Variants in NOX3 observed in about 807,000 individuals in gnomAD.
NOX3 encodes NADPH oxidase 3.
A neutral mutation model predicts 76.7 loss-of-function variants in NOX3; 74 were observed. The observed-to-expected ratio is 0.96, with a 90% CI of 0.80 to 1.17. The LOEUF (loss-of-function observed/expected upper bound fraction) is 1.17, where lower values mean the gene tolerates loss of function less well. Ranked by LOEUF, NOX3 falls within the 50% of genes most tolerant of loss-of-function variation. The pLI, the probability that NOX3 is intolerant of heterozygous loss-of-function variation, is 0.00. For missense variants in NOX3, 695 were observed against 703.3 expected (o/e 0.99, Z 0.13); for synonymous variants, 263 against 261.1 (o/e 1.01, Z -0.07).
intron 7 of NOX3, among the ~76,000 whole-genome samples, chr6:155,432,682 C>T (rs1776850339): frequency 6.6e-6 from 1 of 152,160 alleles, no homozygotes; most frequent in African/African-American, 2.4e-5. Flanking sequence ...GGGCTCTTGG[C>T]CTCATAAAAG....
Position 155,453,436 on chromosome 6 carries a change from T to C in NOX3, c.308A>G (p.Lys103Arg), listed in dbSNP as rs757662971. ...AACAGCTATCCCATAGGCGACCAGT[T>C]TGTGAAATCTGAGGTTTTTGTCTAA... ...RQLDKNLRFH[K>R]LVAYGIAVNA... Residue 103 changes from lysine to arginine, a missense_variant, in exon 4 of 14, where the codon AAA becomes AGA. Physicochemically the swap from Lys to Arg is conservative, Grantham distance 26 (BLOSUM62 2). Transcript: ENST00000159060. The C allele has an allele frequency of 1.2e-6, 2 of 1,613,896 alleles. No homozygotes were observed. Among genetic ancestry groups the C allele is most frequent in the Non-Finnish European group, 1.7e-6 (2 of 1,179,782 alleles).
At chr6:155,435,208 C>A (rs1355553206) in intron 7 of NOX3, among the ~76,000 whole-genome samples, 1 of 152,008 alleles carries the variant, frequency 6.6e-6, no homozygotes, top group Non-Finnish European at 1.5e-5. Context: ...TGAGCAAGGC[C>A]CCCTCTTAAT....
chr6:155,405,955 T>C (rs1776452149), intron 12 of NOX3, among the ~76,000 whole-genome samples: 1 of 152,212 alleles, frequency 6.6e-6, no homozygotes, highest in Non-Finnish European at 1.5e-5. Flanking sequence ...CTGTCTTTGT[T>C]ACCTCTCCTA....
chr6:155,401,088 C>T (rs1779219780), intron 12 of NOX3, among the ~76,000 whole-genome samples: 1 of 152,142 alleles, frequency 6.6e-6, no homozygotes, highest in Non-Finnish European at 1.5e-5. Context: ...GCATAAGTAA[C>T]CAAATATTTT....
intron 6 of NOX3, among the ~76,000 whole-genome samples, chr6:155,438,747 G>T (rs545053087): frequency 6.6e-6 from 1 of 152,222 alleles, no homozygotes; most frequent in Non-Finnish European, 1.5e-5. Flanking sequence ...GCAGCTATGC[G>T]CTTGCTCTTC....
At chr6:155,429,143 T>C in intron 8 of NOX3, 96 bp from the exon 9 acceptor site, 1 of 1,235,914 alleles carries the variant, frequency 8.1e-7, no homozygotes, top group Non-Finnish European at 1.1e-6. Context: ...TAGATCAGCT[T>C]GTTTCAGGTG....
rs568200503 is a variant in NOX3, at chr6:155,440,103, C to A, written c.521G>T (p.Gly174Val). ...CAGAGAGATCACCAGACCGGTGACG[C>A]CTGCTATTGTCCTTAGCAATTCAGT... is the stretch of plus-strand genomic sequence containing the variant. ...TTTELLRTIAGVTGLVISLAL... is the reference protein window; with the variant it reads ...TTTELLRTIAVVTGLVISLAL... Residue 174 changes from glycine to valine, a missense_variant, in exon 6 of 14, where the codon GGC becomes GTC. Transcript: ENST00000159060. 1.2e-4 allele frequency: 199 copies of A among 1,612,556 alleles called. 2 individuals are homozygous for A. The South Asian group carries it at 1.6e-3, about 13-fold the overall frequency.
chr6:155,410,745 T>C (rs1463338671), intron 11 of NOX3, among the ~76,000 whole-genome samples: 1 of 152,212 alleles, frequency 6.6e-6, no homozygotes, highest in Non-Finnish European at 1.5e-5. Context: ...AATCATGTAT[T>C]CATAATAATT....
chr6:155,407,089 G>C (rs771910320), intron 12 of NOX3, 41 bp downstream of exon 12: 1 of 1,612,544 alleles, frequency 6.2e-7, no homozygotes, highest in Non-Finnish European at 8.5e-7. Context: ...CATTTCTCCA[G>C]AGAAGAGCCT....
chr6:155,396,842 G>C lies in NOX3; in HGVS notation c.1701C>G (p.Ser567Arg). Reference sequence around the variant, plus strand: ...TGGACTTGACCTCCAAAGTCTAGAAGCTCTCCTTGTTGTAATAGAAATGAA... The same window carrying C: ...TGGACTTGACCTCCAAAGTCTAGAACCTCTCCTTGTTGTAATAGAAATGAA... ...RGVHFYYNKE[S>R]F The change falls in exon 13 of 14, where the codon AGC (serine) becomes AGG (arginine). Residue 567 changes from serine to arginine, a missense_variant. Physicochemically the swap from Ser to Arg is moderately radical, Grantham distance 110. Coordinates refer to ENST00000159060, the MANE Select transcript of NOX3 (RefSeq NM_015718.3). 2 of 1,610,696 alleles carry C rather than the reference G, an allele frequency of 1.2e-6. No homozygotes were observed. The highest frequency in any genetic ancestry group is 1.7e-6 in the Non-Finnish European group (2 of 1,178,078).
intron 10 of NOX3, among the ~76,000 whole-genome samples, chr6:155,412,103 T>G (rs1776559155): frequency 6.6e-6 from 1 of 152,136 alleles, no homozygotes; most frequent in African/African-American, 2.4e-5. Context: ...AGGAGATAAA[T>G]CTATTAATTC....
In NOX3 at chr6:155,407,266, T is replaced by A. The variant is rs544256467; in HGVS notation, c.1456-12A>T. 22 of 1,607,438 alleles carry A rather than the reference T, an allele frequency of 1.4e-5. 1 individual carries two copies. In the East Asian group the frequency reaches 2.0e-4, roughly 15 times the overall value. ...GCTATGTGAAGAGCCTAAAGTAAAT[T>A]TGTGGCATTAGATGACATTTAGAAA... On this transcript the variant is annotated splice_polypyrimidine_tract_variant and intron_variant, in intron 11 of 13. Coordinates refer to ENST00000159060, the MANE Select transcript of NOX3 (RefSeq NM_015718.3).
intron 10 of NOX3, among the ~76,000 whole-genome samples, chr6:155,418,974 T>C (rs746931196): frequency 2.8e-4 from 42 of 152,264 alleles, no homozygotes; most frequent in Non-Finnish European, 5.0e-4. Flanking sequence ...ATGCGAGTTG[T>C]CCTTTCCTTC....
At chr6:155,416,089 AC>A (rs1174561778) in intron 10 of NOX3, among the ~76,000 whole-genome samples, 2 of 152,132 alleles carry the variant, frequency 1.3e-5, no homozygotes, top group African/African-American at 4.8e-5. Context: ...TGCTAAACTC[AC>A]CTAGAGGCGT....
In NOX3 at chr6:155,407,220, G is replaced by C. The variant is rs766889124; in HGVS notation, c.1490C>G (p.Thr497Ser). The C allele has an allele frequency of 1.2e-6, 2 of 1,613,728 alleles. No individual in the cohort carries two copies. The highest frequency in any genetic ancestry group is 1.7e-6 in the Non-Finnish European group (2 of 1,179,810). ...LHIALHWDENTDVITGLKQKT... is the reference protein window; with the variant it reads ...LHIALHWDENSDVITGLKQKT... ...CTGCTTTAAGCCTGTAATCACGTCA[G>C]TATTTTCGTCCCAGTGTAAAGCTAT... Residue 497 changes from threonine to serine, a missense_variant, in exon 12 of 14, where the codon ACT becomes AGT. Physicochemically the swap from Thr to Ser is moderately conservative, Grantham distance 58. Transcript: ENST00000159060.
chr6:155,399,626 T>C (rs1031573408), intron 12 of NOX3, among the ~76,000 whole-genome samples: 3 of 152,162 alleles, frequency 2.0e-5, no homozygotes, highest in Non-Finnish European at 4.4e-5. Flanking sequence ...CTTCTCGGCA[T>C]TTGTGACTCC....
chr6:155,436,323 T>A (rs375998672), intron 7 of NOX3, 95 bp downstream of exon 7: 1 of 1,387,400 alleles, frequency 7.2e-7, no homozygotes, highest in Non-Finnish European at 1.0e-6. Context: ...CTTTGTCTAG[T>A]GGTGAAATGT....
chr6:155,400,608 T>C (rs1779209721), intron 12 of NOX3, among the ~76,000 whole-genome samples: 1 of 151,990 alleles, frequency 6.6e-6, no homozygotes, highest in East Asian at 1.9e-4. Flanking sequence ...ACCTTCTTTT[T>C]TCAGAACCGC....
rs183984857 is a variant in NOX3 at position 155,435,934 on chromosome 6, G to A, written c.798+484C>T. On this transcript the variant is annotated intron_variant, in intron 7 of 13. Coordinates refer to ENST00000159060, the MANE Select transcript of NOX3 (RefSeq NM_015718.3). ...CTTAATTAGAACAAGAAGTAAATGC[G>A]TTTGACACACTAAGTTTTTGATCCT... Among the ~76,000 whole-genome samples, 418 of 152,310 alleles carry A rather than the reference G, an allele frequency of 2.7e-3. 5 individuals carry two copies. The South Asian group carries it at 0.033, about 12-fold the overall frequency.
Sources: gnomAD v4.1 joint callset for allele counts (sites outside exome capture counted in the v4.1 genomes callset) on GRCh38, gnomAD v4.1.1 for gene constraint, MANE v1.5 for transcripts, NCBI Gene and HGNC (gene_info 2026-07-23, HGNC 2026-07-21) for gene names.